Variants in BZW2 observed in about 807,000 individuals in gnomAD.
BZW2 encodes eIF5-mimic protein 1.
In BZW2, 23 loss-of-function variants were observed where a neutral mutation model predicts 53.2. The ratio of observed to expected loss-of-function variants is 0.43; its 90% CI spans 0.31 to 0.61. The LOEUF (loss-of-function observed/expected upper bound fraction) is 0.61. Ranked by LOEUF, BZW2 falls within the 20% of genes least tolerant of loss-of-function variation. The probability of loss-of-function intolerance (pLI) is 0.09; values close to 1 mark genes in which losing one functional copy is unlikely to be tolerated. For missense variants in BZW2, 409 were observed against 503.1 expected, an observed-to-expected ratio of 0.81 and a Z score of 1.79; for synonymous variants, 227 against 186.4, an observed-to-expected ratio of 1.22 and a Z score of -1.77.
chr7:16,653,437 G>A (rs1305282858), intron 1 of BZW2, among the ~76,000 whole-genome samples: 1 of 152,136 alleles, frequency 6.6e-6, no homozygotes. Context: ...TTTTGTGTCT[G>A]TCTTAAACTA....
intron 2 of BZW2, among the ~76,000 whole-genome samples, chr7:16,670,825 T>G (rs949414216): frequency 6.6e-6 from 1 of 152,218 alleles, no homozygotes; most frequent in African/African-American, 2.4e-5. Context: ...AATGTTTTGC[T>G]TACAGCATCA....
intron 1 of BZW2, among the ~76,000 whole-genome samples, chr7:16,655,078 A>G (rs1275800433): frequency 6.6e-6 from 1 of 152,178 alleles, no homozygotes. Context: ...GACACACCAG[A>G]TAGCTTCAAA....
At chr7:16,696,480 G>A (rs1783492936) in intron 8 of BZW2, among the ~76,000 whole-genome samples, 2 of 152,208 alleles carry the variant, frequency 1.3e-5, no homozygotes, top group South Asian at 4.1e-4. Flanking sequence ...AGAATAAATT[G>A]TGGAGAATGG....
At chr7:16,658,026 C>CA (rs1299658629) in intron 1 of BZW2, among the ~76,000 whole-genome samples, 1 of 152,130 alleles carries the variant, frequency 6.6e-6, no homozygotes. Flanking sequence ...TTTGTGTCTT[C>CA]AGAGTGTTGA....
intron 1 of BZW2, among the ~76,000 whole-genome samples, chr7:16,664,480 A>G (rs1782360450): frequency 6.6e-6 from 1 of 152,192 alleles, no homozygotes. Context: ...AGAGGCAGGA[A>G]CAGAGCCTCA....
chr7:16,685,890 T>TTTTTTTTTTTTTTTTTTTTGTTTG lies in BZW2; in HGVS notation c.406-10_406-9insTTTTTTTTTTTTTTGTTTGTTTTT. On this transcript the variant is annotated splice_polypyrimidine_tract_variant and intron_variant, in intron 5 of 11. Coordinates refer to ENST00000258761, the MANE Select transcript of BZW2 (RefSeq NM_014038.3). ...TTTTTCTTTTTCTTTTTTTTTTTTT[T>TTTTTTTTTTTTTTTTTTTTGTTTG]TTTTTGACCCACAGCTTCTCCTCTT... 1 of 1,477,240 alleles carries TTTTTTTTTTTTTTTTTTTTGTTTG rather than the reference T, an allele frequency of 6.8e-7. No homozygotes were observed. The highest frequency in any genetic ancestry group is 2.8e-5 in the Admixed American group (1 of 36,110). 91.5% of individuals were successfully genotyped at this position (1,477,240 alleles called of 1,614,324 possible).
At chr7:16,664,587 A>G (rs10499472) in intron 1 of BZW2, among the ~76,000 whole-genome samples, 51,945 of 152,158 alleles carry the variant, frequency 0.34, 9,714 homozygotes, top group African/African-American at 0.5. Context: ...TTGAACATAC[A>G]TATACCGTCA....
intron 1 of BZW2, among the ~76,000 whole-genome samples, chr7:16,658,031 T>G (rs1782162358): frequency 6.6e-6 from 1 of 152,122 alleles, no homozygotes; most frequent in Admixed American, 6.5e-5. Context: ...GTCTTCAGAG[T>G]GTTGAAAGAC....
At chr7:16,701,062 T>G (rs1348355154) in intron 10 of BZW2, among the ~76,000 whole-genome samples, 1 of 152,150 alleles carries the variant, frequency 6.6e-6, no homozygotes, top group Admixed American at 6.5e-5. Context: ...ATTGAAAGAT[T>G]TATAAATCTT....
chr7:16,688,540 A>C (rs1276250379), intron 6 of BZW2: 1 of 152,252 alleles, frequency 6.6e-6, no homozygotes, highest in Non-Finnish European at 1.5e-5. Flanking sequence ...ACCAGGACTT[A>C]GACTAATCAG....
At chr7:16,649,358 C>G (rs1015888904) in intron 1 of BZW2, among the ~76,000 whole-genome samples, 1 of 152,148 alleles carries the variant, frequency 6.6e-6, no homozygotes, top group Non-Finnish European at 1.5e-5. Context: ...TTGACTAATC[C>G]TTCCTGGCAA....
chr7:16,695,748 ACCT>A (rs1010473254), intron 8 of BZW2: 5 of 151,886 alleles, frequency 3.3e-5, no homozygotes, highest in African/African-American at 9.7e-5. Flanking sequence ...CCTGACCCAC[ACCT>A]CCTTCCATGC....
chr7:16,669,238 G>A (rs1240414050), intron 2 of BZW2, among the ~76,000 whole-genome samples: 1 of 152,184 alleles, frequency 6.6e-6, no homozygotes, highest in Non-Finnish European at 1.5e-5. Flanking sequence ...TGATTCTTGT[G>A]CCTCAACCTC....
In BZW2 at chr7:16,696,993, A is replaced by G. The variant is rs779376411; in HGVS notation, c.901A>G (p.Ile301Val). The G allele has an allele frequency of 8.7e-6, 14 of 1,614,074 alleles. No homozygotes were observed. The East Asian group carries it at 1.3e-4, about 15-fold the overall frequency. Residue 301 changes from isoleucine (I) to valine (V), a missense_variant, in exon 9 of 12, where the codon ATA becomes GTA. Physicochemically the swap from Ile to Val is conservative, Grantham distance 29 (BLOSUM62 3). Around this residue, in one of 3 missense-constraint regions of BZW2, gnomAD observed 316 missense variants for 366.8 expected, o/e 0.86. Coordinates refer to ENST00000258761, the MANE Select transcript of BZW2 (RefSeq NM_014038.3). Reference sequence around the variant, plus strand: ...AGTGATTGGTCTTCTGTGGACATGTATAATGAACGCTGTTGAGTGGAACAA... The same window carrying G: ...AGTGATTGGTCTTCTGTGGACATGTGTAATGAACGCTGTTGAGTGGAACAA... ...TAVIGLLWTC[I>V]MNAVEWNKKE... is the part of the protein sequence containing the mutation.
At chr7:16,672,189 C>T (rs1782622118) in intron 2 of BZW2, among the ~76,000 whole-genome samples, 1 of 152,132 alleles carries the variant, frequency 6.6e-6, no homozygotes, top group South Asian at 2.1e-4. Context: ...GGTTCCCAGA[C>T]AGCCATGTAC....
chr7:16,679,795 G>T (rs549678228), intron 3 of BZW2, among the ~76,000 whole-genome samples: 1 of 152,254 alleles, frequency 6.6e-6, no homozygotes, highest in East Asian at 1.9e-4. Flanking sequence ...AGAAACATTT[G>T]TTGTGTATAT....
chr7:16,653,226 G>A (rs1782030912), intron 1 of BZW2, among the ~76,000 whole-genome samples: 2 of 152,106 alleles, frequency 1.3e-5, no homozygotes, highest in Admixed American at 1.3e-4. Context: ...TTAAGCAATT[G>A]CTCCAAAACA....
At chr7:16,670,862 A>T (rs940683439) in intron 2 of BZW2, among the ~76,000 whole-genome samples, 1 of 152,144 alleles carries the variant, frequency 6.6e-6, no homozygotes, top group Non-Finnish European at 1.5e-5. Flanking sequence ...CTTGTTCATG[A>T]TGAATATTGT....
At chr7:16,666,487 C>T (rs1782432647) in intron 2 of BZW2, among the ~76,000 whole-genome samples, 2 of 151,856 alleles carry the variant, frequency 1.3e-5, no homozygotes, top group African/African-American at 4.8e-5. Context: ...ACTGCAACCT[C>T]CTCCTCCCAG....
Sources: allele counts gnomAD v4.1 joint callset (sites outside exome capture counted in the v4.1 genomes callset), GRCh38; gene constraint gnomAD v4.1.1; regional missense constraint gnomAD v4.1.1; transcripts MANE v1.5; gene names NCBI Gene and HGNC (gene_info 2026-07-23, HGNC 2026-07-21).